Variants in MTAP observed in about 807,000 individuals in gnomAD.
MTAP encodes S-methyl-5'-thioadenosine phosphorylase.
Under a neutral mutation model 33.6 loss-of-function variants are expected in MTAP, and 33 were observed. That is an observed-to-expected ratio of 0.98 (90% CI 0.74 to 1.31). MTAP has a LOEUF of 1.31. Ranked by LOEUF, MTAP falls within the 40% of genes most tolerant of loss-of-function variation. The pLI, the probability that MTAP is intolerant of heterozygous loss-of-function variation, is 0.00. For missense variants in MTAP, 367 were observed against 360.0 expected (o/e 1.02, Z -0.16); for synonymous variants, 148 against 125.7 (o/e 1.18, Z -1.19).
rs1319681908 is a variant in MTAP at position 21,909,633 on chromosome 9, C to T, written c.148-21375C>T. Among the ~76,000 whole-genome samples, 3 of 152,058 alleles carry T rather than the reference C, an allele frequency of 2.0e-5. 1 individual carries two copies. The East Asian group carries it at 5.8e-4, about 29-fold the overall frequency. On this transcript the variant is annotated intron_variant, in intron 1 of 1. Transcript: ENST00000577563. ...TAATAAGTAAGCCTAGATGCCCATT[C>T]AGTGTAGAATCTATGTGGCCTGAAA...
downstream of MTAP, among the ~76,000 whole-genome samples, chr9:21,869,900 C>CAA (rs1554646321): frequency 3.9e-5 from 6 of 152,100 alleles, no homozygotes; most frequent in Non-Finnish European, 5.9e-5. Context: ...TAAAATCCCA[C>CAA]ATTTATGATA....
intron 1 of MTAP, among the ~76,000 whole-genome samples, chr9:21,896,562 T>C (rs977922338): frequency 2.6e-5 from 4 of 152,076 alleles, no homozygotes; most frequent in African/African-American, 9.7e-5. Flanking sequence ...GATATCACCA[T>C]CGATCCCACA....
chr9:21,913,939 A>G (rs939949780), intron 1 of MTAP, among the ~76,000 whole-genome samples: 3 of 152,190 alleles, frequency 2.0e-5, no homozygotes, highest in African/African-American at 7.2e-5. Flanking sequence ...TACAAGAAAA[A>G]ATCGAACAAC....
Position 21,931,194 on chromosome 9 carries a change from A to G in MTAP, c.334A>G (p.Ser112Gly), listed in dbSNP as rs761479202. The change falls in exon 2 of 2, where the codon AGC becomes GGC. Residue 112 changes from serine to glycine, a missense_variant. Transcript: ENST00000577563. ...ACCCATGCAGCCACCCTGCCCTGAC[A>G]GCTAGCAAGAGGCCAAGACCCACAG... 2.5e-5 allele frequency: 18 copies of G among 730,390 alleles called. No homozygotes were observed. The highest frequency in any genetic ancestry group is 5.6e-5 in the Admixed American group (3 of 53,818). The allele number at this position is 730,390 out of a possible 1,614,324, so 45.2% of individuals were successfully genotyped here.
intron 1 of MTAP, among the ~76,000 whole-genome samples, chr9:21,807,418 G>A (rs1030685389): frequency 1.3e-5 from 2 of 152,200 alleles, no homozygotes; most frequent in Non-Finnish European, 2.9e-5. Context: ...GCAGGCCCCA[G>A]TTGAAAATCA....
At chr9:21,875,036 C>T (rs1168104680) in intron 1 of MTAP, among the ~76,000 whole-genome samples, 1 of 152,118 alleles carries the variant, frequency 6.6e-6, no homozygotes, top group Non-Finnish European at 1.5e-5. Flanking sequence ...CATGGTATTC[C>T]ATGGTGTATA....
intron 1 of MTAP, among the ~76,000 whole-genome samples, chr9:21,903,538 G>T (rs543008306): frequency 1.3e-5 from 2 of 152,064 alleles, no homozygotes; most frequent in Admixed American, 1.3e-4. Context: ...TTCTCTGGGG[G>T]TCTTGCTCTG....
intron 1 of MTAP, among the ~76,000 whole-genome samples, chr9:21,803,536 C>T (rs182760933): frequency 6.6e-6 from 1 of 152,178 alleles, no homozygotes; most frequent in African/African-American, 2.4e-5. Flanking sequence ...GGCCTTGATA[C>T]AAGGGGTCAT....
chr9:21,814,823 TATGA>T (rs1824437682), intron 1 of MTAP, among the ~76,000 whole-genome samples: 1 of 152,250 alleles, frequency 6.6e-6, no homozygotes, highest in Non-Finnish European at 1.5e-5. Flanking sequence ...TGCATACATA[TATGA>T]ATGATTGTTT....
chr9:21,826,205 A>G (rs979934750), intron 4 of MTAP, among the ~76,000 whole-genome samples: 2 of 150,406 alleles, frequency 1.3e-5, no homozygotes, highest in African/African-American at 4.9e-5. Context: ...TTTTTTTTTA[A>G]AGAGAGTATA....
intron 5 of MTAP, among the ~76,000 whole-genome samples, chr9:21,845,729 C>A (rs961055474): frequency 2.0e-5 from 3 of 151,156 alleles, no homozygotes; most frequent in African/African-American, 7.3e-5. Flanking sequence ...TTCAGAATAC[C>A]ACCATCATTG....
At chr9:21,899,357 A>T (rs1818350571) in intron 1 of MTAP, among the ~76,000 whole-genome samples, 1 of 147,000 alleles carries the variant, frequency 6.8e-6, no homozygotes, top group African/African-American at 2.5e-5. Flanking sequence ...CGTTGTGCAT[A>T]TGTACCGCAT....
chr9:21,805,464 G>A (rs550313537), intron 1 of MTAP, among the ~76,000 whole-genome samples: 1 of 152,332 alleles, frequency 6.6e-6, no homozygotes, highest in Non-Finnish European at 1.5e-5. Context: ...TGACATGAAA[G>A]TGAAACAGCA....
chr9:21,893,846 C>G lies in MTAP; in HGVS notation c.148-37162C>G, dbSNP rs572901263. On this transcript the variant is annotated intron_variant, in intron 1 of 1. Coordinates refer to the MTAP transcript ENST00000577563. ...AAAACAAAAGGTATTACCAATCCTACTGAAACTATTCAAAAAAAAAAAAAT... is the reference window on the plus strand; with the variant it reads ...AAAACAAAAGGTATTACCAATCCTAGTGAAACTATTCAAAAAAAAAAAAAT... The G allele has an allele frequency of 7.5e-5, 11 of 147,382 alleles. No homozygotes were observed. The South Asian group carries it at 2.3e-3, about 31-fold the overall frequency. 9.1% of individuals were successfully genotyped at this position (147,382 alleles called of 1,614,324 possible). A position where few individuals can be genotyped will look rare whatever the true frequency, so the allele number is the denominator to read the frequency against.
rs1395676189 is a variant in MTAP, at chr9:21,815,539, AGACAT to A, written c.120+22_120+26del. On this transcript the variant is annotated intron_variant, in intron 2 of 7. Transcript: ENST00000644715. ...GGCAAGGTTAATATCCAACTTGTGGAGACATGTTTTTTAGTTTTTTCATTTCTCCT... is the reference window on the plus strand; with the variant it reads ...GGCAAGGTTAATATCCAACTTGTGGAGTTTTTTAGTTTTTTCATTTCTCCT... 1 of 1,487,948 alleles carries A rather than the reference AGACAT, an allele frequency of 6.7e-7. No homozygotes were observed. Among genetic ancestry groups the A allele is most frequent in the African/African-American group, 1.4e-5 (1 of 71,604 alleles). The allele number at this position is 1,487,948 out of a possible 1,614,324, so 92.2% of individuals were successfully genotyped here. A position where few individuals can be genotyped will look rare whatever the true frequency, so the allele number is the denominator to read the frequency against.
chr9:21,890,902 G>C (rs1818191264), intron 1 of MTAP, among the ~76,000 whole-genome samples: 1 of 152,110 alleles, frequency 6.6e-6, no homozygotes, highest in South Asian at 2.1e-4. Flanking sequence ...AAAAGTTTAT[G>C]ATGTAAGCCT....
At chr9:21,893,791 G>A (rs1056022994) in intron 1 of MTAP, 3 of 151,636 alleles carry the variant, frequency 2.0e-5, no homozygotes, top group Non-Finnish European at 4.4e-5. Context: ...TAGATTAGAT[G>A]GATTCACAGC....
rs142108656 is a variant in MTAP at position 21,833,814 on chromosome 9, G to A, written c.348-4094G>A. On this transcript the variant is annotated intron_variant, in intron 4 of 7. Coordinates refer to ENST00000644715, the MANE Select transcript of MTAP (RefSeq NM_002451.4). Reference sequence around the variant, plus strand: ...AACACCACATTTCCTCAAAGGAAACGTATTAACTAACAGCTATCTTCAAGC... The same window carrying A: ...AACACCACATTTCCTCAAAGGAAACATATTAACTAACAGCTATCTTCAAGC... Among the ~76,000 whole-genome samples the A allele has an allele frequency of 3.7e-3, 561 of 152,274 alleles. 6 individuals are homozygous for A. Among genetic ancestry groups the A allele is most frequent in the African/African-American group, 0.013 (535 of 41,538 alleles).
At chr9:21,837,804 G>T in intron 4 of MTAP, 104 bp from the exon 5 acceptor site, 1 of 834,330 alleles carries the variant, frequency 1.2e-6, no homozygotes, top group South Asian at 1.6e-5. Context: ...CTGGAGTAAA[G>T]ACCCAAATAT....
Sources: gnomAD v4.1 joint callset for allele counts (sites outside exome capture counted in the v4.1 genomes callset) on GRCh38, gnomAD v4.1.1 for gene constraint, MANE v1.5 for transcripts, NCBI Gene and HGNC (gene_info 2026-07-23, HGNC 2026-07-21) for gene names.